KIF5C: variants seen among roughly 807,000 people sequenced by gnomAD.
KIF5C encodes the protein kinesin family member 5C.
KIF5C carries 18 observed loss-of-function variants against 125.2 expected under a neutral mutation model. That is an observed-to-expected ratio of 0.14 (90% CI 0.10 to 0.21). The LOEUF (loss-of-function observed/expected upper bound fraction) is 0.21. Ranked by LOEUF, KIF5C falls within the 10% of genes least tolerant of loss-of-function variation. The probability of loss-of-function intolerance (pLI) is 1.00; values close to 1 mark genes in which losing one functional copy is unlikely to be tolerated. For synonymous variants in KIF5C, 405 were observed against 434.0 expected, an observed-to-expected ratio of 0.93 and a Z score of 0.83; for missense variants, 780 against 1,183.8, an observed-to-expected ratio of 0.66 and a Z score of 5.01.
chr2:148,935,965 A>G (rs1574766614), intron 3 of KIF5C, among the ~76,000 whole-genome samples: 2 of 152,204 alleles, frequency 1.3e-5, no homozygotes, highest in African/African-American at 4.8e-5. Flanking sequence ...CCAGAGGAGT[A>G]TCCATTTTTC....
chr2:148,875,832 G>A, intron 1 of KIF5C, 89 bp downstream of exon 1: 1 of 1,496,942 alleles, frequency 6.7e-7, no homozygotes, highest in East Asian at 2.5e-5. Context: ...TGTTTAGGCC[G>A]CCCCCTCGGA....
At chr2:148,947,322 G>A in intron 8 of KIF5C, 1 of 324,782 alleles carries the variant, frequency 3.1e-6, no homozygotes, top group Non-Finnish European at 5.6e-6. Flanking sequence ...AGAGGCAGCT[G>A]CACACATGTG....
At chr2:148,895,716 C>T (rs1406630792) in intron 1 of KIF5C, among the ~76,000 whole-genome samples, 1 of 152,158 alleles carries the variant, frequency 6.6e-6, no homozygotes, top group Admixed American at 6.5e-5. Flanking sequence ...AATTCATTTT[C>T]TCAGAGTTCT....
intron 7 of KIF5C, among the ~76,000 whole-genome samples, chr2:148,944,779 A>C (rs1242159491): frequency 1.3e-5 from 2 of 152,190 alleles, no homozygotes; most frequent in African/African-American, 4.8e-5. Flanking sequence ...ACAGCAGTAC[A>C]TCAGAGTTTC....
At chr2:148,929,462 C>T (rs1042018438) in intron 3 of KIF5C, 108 bp downstream of exon 3, 31 of 659,462 alleles carry the variant, frequency 4.7e-5, no homozygotes, top group Middle Eastern at 2.4e-4. Flanking sequence ...GAAATAGAGA[C>T]GGTTATGTTT....
chr2:148,936,275 C>T (rs1682288113), intron 3 of KIF5C, among the ~76,000 whole-genome samples: 2 of 152,152 alleles, frequency 1.3e-5, no homozygotes. Flanking sequence ...AGAGTGAGAC[C>T]TTGTCTCAAA....
chr2:148,944,172 T>C (rs1372407260), intron 7 of KIF5C, among the ~76,000 whole-genome samples: 1 of 152,228 alleles, frequency 6.6e-6, no homozygotes, highest in Non-Finnish European at 1.5e-5. Context: ...CAATAAAATA[T>C]ACTTAATATG....
intron 9 of KIF5C, 104 bp downstream of exon 9, chr2:148,950,047 G>T: frequency 1.4e-6 from 2 of 1,465,626 alleles, no homozygotes; most frequent in Non-Finnish European, 1.8e-6. Context: ...TTGTTTTTCT[G>T]TTTGGAAGAG....
At chr2:149,021,478 A>T (rs1364332725) in intron 25 of KIF5C, among the ~76,000 whole-genome samples, 1 of 151,982 alleles carries the variant, frequency 6.6e-6, no homozygotes, top group African/African-American at 2.4e-5. Context: ...ATCTGCTTTA[A>T]TAACCCCTTT....
Position 148,998,494 on chromosome 2 carries a change from TTGA to T in KIF5C, c.2199_2201del (p.Asp733del). On this transcript the variant is annotated inframe_deletion, in exon 19 of 26. Transcript: ENST00000435030. ...GAAATTGAGGAGAAGCAGAAAATCA[TTGA>T]TGAGATTCGGGAGTGAGTCGGCCCA... is the stretch of plus-strand genomic sequence containing the variant. 1 of 1,557,380 alleles carries T rather than the reference TTGA, an allele frequency of 6.4e-7. No homozygotes were observed.
Position 148,911,260 on chromosome 2 carries a change from A to G in KIF5C, c.127-10877A>G, listed in dbSNP as rs75119685. Among the ~76,000 whole-genome samples, 1,026 of 152,304 alleles carry G rather than the reference A, an allele frequency of 6.7e-3. 17 individuals are homozygous for G. Among genetic ancestry groups the G allele is most frequent in the Middle Eastern group, 0.065 (19 of 294 alleles). ...GTGAGAGATCTGGAGACATTCTTAA[A>G]TTTGGAATTGGCAGGAAGGAGAAAA... On this transcript the variant is annotated intron_variant, in intron 1 of 25. Coordinates refer to ENST00000435030, the MANE Select transcript of KIF5C (RefSeq NM_004522.3).
chr2:148,946,729 G>A (rs1682528051), intron 7 of KIF5C, among the ~76,000 whole-genome samples, 170 bp from the exon 8 acceptor site: 1 of 152,164 alleles, frequency 6.6e-6, no homozygotes, highest in African/African-American at 2.4e-5. Context: ...TTTCTAGAAT[G>A]AGCATTGTTT....
intron 1 of KIF5C, among the ~76,000 whole-genome samples, chr2:148,901,125 T>C (rs1038359022): frequency 3.9e-5 from 6 of 152,200 alleles, no homozygotes; most frequent in Non-Finnish European, 7.3e-5. Context: ...GGATATCTAA[T>C]TGTCAAAATC....
intron 11 of KIF5C, among the ~76,000 whole-genome samples, chr2:148,970,383 C>G (rs2105142731): frequency 6.6e-6 from 1 of 152,236 alleles, no homozygotes; most frequent in East Asian, 1.9e-4. Context: ...AACAATATTG[C>G]CTTTTGTGCT....
At chr2:148,926,887 AT>A (rs1348605048) in intron 2 of KIF5C, among the ~76,000 whole-genome samples, 2 of 152,150 alleles carry the variant, frequency 1.3e-5, no homozygotes, top group Non-Finnish European at 2.9e-5. Context: ...CTGTAACGTG[AT>A]TGTAAATACT....
chr2:148,939,423 G>A (rs1246754503), intron 4 of KIF5C, among the ~76,000 whole-genome samples: 3 of 152,188 alleles, frequency 2.0e-5, no homozygotes, highest in Non-Finnish European at 2.9e-5. Context: ...AGATTTAGAA[G>A]CTTAGTGCTT....
At chr2:148,929,765 C>T (rs1361415338) in intron 3 of KIF5C, among the ~76,000 whole-genome samples, 1 of 151,534 alleles carries the variant, frequency 6.6e-6, no homozygotes, top group African/African-American at 2.4e-5. Context: ...TAAAAGTTGG[C>T]TTGTGGGCCA....
intron 1 of KIF5C, among the ~76,000 whole-genome samples, chr2:148,909,127 G>A (rs1681232542): frequency 6.6e-6 from 1 of 152,222 alleles, no homozygotes; most frequent in Non-Finnish European, 1.5e-5. Flanking sequence ...CGTTACACAT[G>A]TATGTGCTAC....
At chr2:148,982,438 G>C (rs1681261970) in intron 14 of KIF5C, among the ~76,000 whole-genome samples, 1 of 152,218 alleles carries the variant, frequency 6.6e-6, no homozygotes, top group African/African-American at 2.4e-5. Context: ...CTTGTGCCCA[G>C]CCTGCTTTGT....
Sources: allele counts gnomAD v4.1 joint callset (sites outside exome capture counted in the v4.1 genomes callset), GRCh38; gene constraint gnomAD v4.1.1; transcripts MANE v1.5; gene names NCBI Gene and HGNC (gene_info 2026-07-23, HGNC 2026-07-21).